AGBL4: variants seen among roughly 807,000 people sequenced by gnomAD.
AGBL4 encodes cytosolic carboxypeptidase 6.
Under a neutral mutation model 66.4 loss-of-function variants are expected in AGBL4, and 58 were observed. The observed-to-expected ratio is 0.87, with a 90% confidence interval of 0.71 to 1.09. AGBL4 has a LOEUF of 1.09. Among genes scored for constraint, AGBL4 ranks in the 50% least tolerant of loss-of-function variants. AGBL4 has a pLI of 0.00. For missense variants in AGBL4, 579 were observed against 631.0 expected, an observed-to-expected ratio of 0.92 and a Z score of 0.88; for synonymous variants, 234 against 222.9, an observed-to-expected ratio of 1.05 and a Z score of -0.44.
At chr1:49,711,961 T>G (rs994647028) in intron 2 of AGBL4, among the ~76,000 whole-genome samples, 2 of 152,000 alleles carry the variant, frequency 1.3e-5, no homozygotes, top group African/African-American at 4.8e-5. Flanking sequence ...AAAAATTAAT[T>G]CATTTTTATG....
At chr1:49,278,568 T>C (rs1255125058) in intron 3 of AGBL4, among the ~76,000 whole-genome samples, 5 of 152,162 alleles carry the variant, frequency 3.3e-5, no homozygotes, top group Non-Finnish European at 7.4e-5. Flanking sequence ...AAACCAACCA[T>C]ATTCTTTCAT....
intron 3 of AGBL4, among the ~76,000 whole-genome samples, chr1:49,351,146 A>C (rs994147931): frequency 6.6e-6 from 1 of 152,166 alleles, no homozygotes; most frequent in African/African-American, 2.4e-5. Context: ...TGTTCTGTCC[A>C]TCTAAGTGGG....
chr1:48,661,051 T>C (rs1348425395), intron 7 of AGBL4, among the ~76,000 whole-genome samples: 1 of 152,178 alleles, frequency 6.6e-6, no homozygotes, highest in African/African-American at 2.4e-5. Context: ...AGAAACCCCA[T>C]TTGACAGATG....
At chr1:49,638,609 G>A (rs1438101174) in intron 3 of AGBL4, among the ~76,000 whole-genome samples, 1 of 152,134 alleles carries the variant, frequency 6.6e-6, no homozygotes, top group Non-Finnish European at 1.5e-5. Context: ...TTCCCATGCT[G>A]TTCTCCTGAT....
intron 2 of AGBL4, among the ~76,000 whole-genome samples, chr1:49,741,614 C>G (rs577422266): frequency 6.6e-6 from 1 of 152,138 alleles, no homozygotes; most frequent in African/African-American, 2.4e-5. Context: ...GAATCATAGA[C>G]CAATATCCCT....
intron 6 of AGBL4, among the ~76,000 whole-genome samples, chr1:48,743,425 T>C (rs1248128692): frequency 2.0e-5 from 3 of 152,238 alleles, no homozygotes; most frequent in Non-Finnish European, 2.9e-5. Context: ...GGGGTTATTT[T>C]TTCTCCATTA....
At chr1:48,590,744 G>T in intron 10 of AGBL4, 89 bp downstream of exon 10, 9 of 1,428,060 alleles carry the variant, frequency 6.3e-6, no homozygotes, top group Non-Finnish European at 7.5e-6. Context: ...GTCCCGTGGA[G>T]CTTAAAGCAA....
chr1:49,797,658 T>G (rs1177508379), intron 2 of AGBL4, among the ~76,000 whole-genome samples: 1 of 152,202 alleles, frequency 6.6e-6, no homozygotes, highest in Non-Finnish European at 1.5e-5. Context: ...TTGCCTATAC[T>G]GGTCTTGAAA....
chr1:48,748,672 T>G (rs1651157011), intron 6 of AGBL4, among the ~76,000 whole-genome samples: 1 of 152,158 alleles, frequency 6.6e-6, no homozygotes, highest in Non-Finnish European at 1.5e-5. Flanking sequence ...AGGCTCACTG[T>G]GCACAAAGGG....
chr1:49,496,809 G>A lies in AGBL4; in HGVS notation c.282+200504C>T, dbSNP rs575569764. ...ATGTTGATTCTATATCTTGAATATTGTGAAAAATGCTGCAGTAAATATGGG... is the reference window on the plus strand; with the variant it reads ...ATGTTGATTCTATATCTTGAATATTATGAAAAATGCTGCAGTAAATATGGG... On this transcript the variant is annotated intron_variant, in intron 3 of 13. Transcript: ENST00000371839. Among the ~76,000 whole-genome samples, 5 of 146,356 alleles carry A rather than the reference G, an allele frequency of 3.4e-5. No homozygotes were observed. The Admixed American group carries it at 3.5e-4, about 10-fold the overall frequency.
chr1:49,726,377 A>G (rs1201219485), intron 2 of AGBL4, among the ~76,000 whole-genome samples: 1 of 152,190 alleles, frequency 6.6e-6, no homozygotes, highest in Non-Finnish European at 1.5e-5. Flanking sequence ...TTTGGTCTGC[A>G]GTGCCATTAA....
intron 2 of AGBL4, among the ~76,000 whole-genome samples, chr1:49,828,844 G>A (rs1329616357): frequency 6.6e-6 from 1 of 152,126 alleles, no homozygotes; most frequent in African/African-American, 2.4e-5. Context: ...GCCGAGGCGG[G>A]CGGATCACGA....
intron 3 of AGBL4, among the ~76,000 whole-genome samples, chr1:49,580,891 A>G (rs1370137845): frequency 1.3e-5 from 2 of 152,180 alleles, no homozygotes; most frequent in Admixed American, 1.3e-4. Flanking sequence ...TGCCTCCTGG[A>G]TCTAGATGTC....
chr1:49,183,962 C>G (rs1646972358), intron 4 of AGBL4, among the ~76,000 whole-genome samples: 1 of 152,110 alleles, frequency 6.6e-6, no homozygotes, highest in Non-Finnish European at 1.5e-5. Flanking sequence ...TGAATTACTT[C>G]ATTACATATG....
chr1:49,257,913 C>G (rs527943818), intron 3 of AGBL4, among the ~76,000 whole-genome samples: 10 of 152,166 alleles, frequency 6.6e-5, no homozygotes, highest in African/African-American at 2.4e-4. Flanking sequence ...AGGCACCCCC[C>G]AGTAGGGGCA....
Position 48,692,589 on chromosome 1 carries a change from G to A in AGBL4, c.635-29348C>T, listed in dbSNP as rs532223134. ...CCCTCTTCCCATCAAGGCAGAGCTGGATCCAAATCCTGATTCTATCCATGT... is the reference window on the plus strand; with the variant it reads ...CCCTCTTCCCATCAAGGCAGAGCTGAATCCAAATCCTGATTCTATCCATGT... On this transcript the variant is annotated intron_variant, in intron 6 of 13. Coordinates refer to ENST00000371839, the MANE Select transcript of AGBL4 (RefSeq NM_032785.4). Among the ~76,000 whole-genome samples, 8 of 152,320 alleles carry A rather than the reference G, an allele frequency of 5.3e-5. No homozygotes were observed. In the South Asian group the frequency reaches 1.7e-3, roughly 32 times the overall value.
chr1:48,566,113 G>A (rs899018451), intron 11 of AGBL4, among the ~76,000 whole-genome samples: 2 of 152,080 alleles, frequency 1.3e-5, no homozygotes, highest in Admixed American at 1.3e-4. Flanking sequence ...TCTAAAACTC[G>A]AAATTAGTAC....
rs553543950 is a variant in AGBL4, at chr1:49,056,303, G to C, written c.378-10503C>G. On this transcript the variant is annotated intron_variant, in intron 4 of 13. Transcript: ENST00000371839. ...TTTCAGGGAACTTAAATTCTAATGG[G>C]AAAGAGCGATAAACAAACAAATCAA... Among the ~76,000 whole-genome samples, 3 of 152,142 alleles carry C rather than the reference G, an allele frequency of 2.0e-5. No homozygotes were observed. The East Asian group carries it at 5.8e-4, about 29-fold the overall frequency.
chr1:49,478,687 A>C (rs1646893576), intron 3 of AGBL4, among the ~76,000 whole-genome samples: 1 of 152,066 alleles, frequency 6.6e-6, no homozygotes, highest in Admixed American at 6.6e-5. Flanking sequence ...ACACAGAAAA[A>C]CACAGACTAT....
Sources: allele counts gnomAD v4.1 joint callset (sites outside exome capture counted in the v4.1 genomes callset), GRCh38; gene constraint gnomAD v4.1.1; transcripts MANE v1.5; gene names NCBI Gene and HGNC (gene_info 2026-07-23, HGNC 2026-07-21).